The following PLXNA4 variants were observed in gnomAD, a reference collection of about 807,000 sequenced individuals.
The protein encoded by PLXNA4 is plexin-A4.
In PLXNA4, 44 loss-of-function variants were observed where a neutral mutation model predicts 191.8. The observed-to-expected ratio is 0.23, with a 90% CI of 0.18 to 0.29. The LOEUF (loss-of-function observed/expected upper bound fraction) is 0.29. Among genes scored for constraint, PLXNA4 ranks in the 10% least tolerant of loss-of-function variants. The probability of loss-of-function intolerance (pLI) is 1.00; values close to 1 mark genes in which losing one functional copy is unlikely to be tolerated. For synonymous variants in PLXNA4, 1,082 were observed against 1,009.5 expected (o/e 1.07, Z -1.36); for missense variants, 1,800 against 2,488.8 (o/e 0.72, Z 5.89).
At chr7:132,629,969 C>T (rs887247430) in intron 2 of PLXNA4, among the ~76,000 whole-genome samples, 12 of 152,136 alleles carry the variant, frequency 7.9e-5, no homozygotes, top group African/African-American at 2.9e-4. Flanking sequence ...CCTGCCTCAG[C>T]CTCCCGAGTA....
chr7:132,311,191 T>TGTGC (rs1464054615), intron 3 of PLXNA4, among the ~76,000 whole-genome samples: 1 of 128,548 alleles, frequency 7.8e-6, no homozygotes, highest in South Asian at 2.5e-4. Context: ...TGTGTGTGTG[T>TGTGC]GTGCGCGTGT....
At chr7:132,346,960 G>A (rs747281651) in intron 3 of PLXNA4, among the ~76,000 whole-genome samples, 3 of 152,190 alleles carry the variant, frequency 2.0e-5, no homozygotes, top group Admixed American at 1.3e-4. Context: ...ATTAAATGAA[G>A]GGTCAGAGAA....
At chr7:132,612,272 T>C (rs905415924) in intron 2 of PLXNA4, among the ~76,000 whole-genome samples, 5 of 152,002 alleles carry the variant, frequency 3.3e-5, no homozygotes, top group African/African-American at 7.3e-5. Flanking sequence ...TCGAAAAAAA[T>C]TGGGCTTCTT....
intron 9 of PLXNA4, among the ~76,000 whole-genome samples, chr7:132,212,105 C>T (rs1314702955): frequency 1.3e-5 from 2 of 152,126 alleles, no homozygotes; most frequent in Non-Finnish European, 2.9e-5. Flanking sequence ...CAGGCAGGTC[C>T]CACCATCCCC....
intron 29 of PLXNA4, among the ~76,000 whole-genome samples, chr7:132,143,365 C>T (rs1408954149): frequency 2.0e-5 from 3 of 152,146 alleles, no homozygotes; most frequent in Non-Finnish European, 2.9e-5. Context: ...GGCTCCACTC[C>T]AAGGACATTA....
rs1796959237 is a variant in PLXNA4, at chr7:132,472,210, T to TC, written c.1371+17081dup. Among the ~76,000 whole-genome samples the TC allele has an allele frequency of 2.0e-5, 3 of 152,198 alleles. No individual in the cohort carries two copies. In the South Asian group the frequency reaches 6.2e-4, roughly 32 times the overall value. The stretch of plus-strand genomic sequence containing the variant: ...AAAAAATTTTGCCCTGATACTTTTT[T>TC]CCCCATATCTTCATTTATTTTTCTT... On this transcript the variant is annotated intron_variant, in intron 3 of 31. Transcript: ENST00000321063.
intron 27 of PLXNA4, 125 bp from the exon 28 acceptor site, chr7:132,146,825 G>T: frequency 6.6e-7 from 1 of 1,506,294 alleles, no homozygotes; most frequent in Non-Finnish European, 8.9e-7. Context: ...ATTGGTCGGT[G>T]CTGTCACCTT....
intron 3 of PLXNA4, among the ~76,000 whole-genome samples, chr7:132,452,966 G>T (rs544112271): frequency 6.6e-6 from 1 of 152,316 alleles, no homozygotes; most frequent in African/African-American, 2.4e-5. Context: ...GAGGATGGCA[G>T]TGGCAAAGAT....
chr7:132,209,560 C>T (rs950519490), intron 10 of PLXNA4, among the ~76,000 whole-genome samples: 1 of 152,070 alleles, frequency 6.6e-6, no homozygotes, highest in African/African-American at 2.4e-5. Context: ...GGGGGATGGG[C>T]ACACAGGATG....
chr7:132,210,441 C>A (rs893322039), intron 10 of PLXNA4, among the ~76,000 whole-genome samples: 5 of 152,204 alleles, frequency 3.3e-5, no homozygotes, highest in Non-Finnish European at 7.3e-5. Context: ...TCCTAGCCAG[C>A]TCCTTCCCAT....
chr7:132,256,253 C>T (rs1799427444), intron 4 of PLXNA4, among the ~76,000 whole-genome samples: 1 of 152,232 alleles, frequency 6.6e-6, no homozygotes, highest in African/African-American at 2.4e-5. Flanking sequence ...GCAAACAAAC[C>T]TGCAGGATAC....
At chr7:132,147,848 A>T in intron 27 of PLXNA4, 52 bp downstream of exon 27, 1 of 1,611,648 alleles carries the variant, frequency 6.2e-7, no homozygotes, top group East Asian at 2.2e-5. Context: ...CTGTCATGAC[A>T]ACAGCTGCTC....
intron 3 of PLXNA4, among the ~76,000 whole-genome samples, chr7:132,396,927 T>A (rs140541714): frequency 6.6e-6 from 1 of 152,210 alleles, no homozygotes; most frequent in Non-Finnish European, 1.5e-5. Context: ...GTGTGGGAAA[T>A]AGAGCCTCCA....
At chr7:132,533,946 TTAC>T (rs926631033) in intron 1 of PLXNA4, among the ~76,000 whole-genome samples, 65 of 145,660 alleles carry the variant, frequency 4.5e-4, no homozygotes, top group African/African-American at 1.8e-3. Flanking sequence ...ATTATTATTA[TTAC>T]TATTATTATG....
chr7:132,566,520 G>A (rs528983063), intron 1 of PLXNA4, among the ~76,000 whole-genome samples: 32 of 152,276 alleles, frequency 2.1e-4, no homozygotes, highest in African/African-American at 6.7e-4. Context: ...AGTTTAGGGA[G>A]ATGTGTCTTA....
At chr7:132,285,959 G>T (rs1800669337) in intron 4 of PLXNA4, among the ~76,000 whole-genome samples, 1 of 149,012 alleles carries the variant, frequency 6.7e-6, no homozygotes, top group South Asian at 2.2e-4. Flanking sequence ...ATCAGTGGTA[G>T]TCTTAAGAAA....
intron 12 of PLXNA4, among the ~76,000 whole-genome samples, chr7:132,199,828 C>G (rs1562916210): frequency 6.6e-6 from 1 of 152,222 alleles, no homozygotes; most frequent in African/African-American, 2.4e-5. Flanking sequence ...AAGCTACCTC[C>G]CACCTCCTAC....
chr7:132,311,872 C>T (rs528069053), intron 3 of PLXNA4, among the ~76,000 whole-genome samples: 1 of 152,134 alleles, frequency 6.6e-6, no homozygotes, highest in African/African-American at 2.4e-5. Context: ...GCTTAGAATG[C>T]TGGAGCTGAG....
At chr7:132,154,330 G>C (rs75890192) in intron 25 of PLXNA4, among the ~76,000 whole-genome samples, 1,780 of 152,134 alleles carry the variant, frequency 0.012, 37 homozygotes, top group African/African-American at 0.04. Flanking sequence ...AGCTGGGAGA[G>C]CCAAGAGAAG....
Sources: allele counts gnomAD v4.1 joint callset (sites outside exome capture counted in the v4.1 genomes callset), GRCh38; gene constraint gnomAD v4.1.1; transcripts MANE v1.5; gene names NCBI Gene and HGNC (gene_info 2026-07-23, HGNC 2026-07-21).